ZBTB44: variants seen among roughly 807,000 people sequenced by gnomAD.
ZBTB44 encodes zinc finger and BTB domain containing 44, also known as zinc finger and BTB domain-containing protein 44.
Under a neutral mutation model 54.0 loss-of-function variants are expected in ZBTB44, and 15 were observed. The ratio of observed to expected loss-of-function variants is 0.28; its 90% confidence interval spans 0.19 to 0.43. The LOEUF (loss-of-function observed/expected upper bound fraction) is 0.43. ZBTB44 is among the 20% of genes least tolerant of loss of function. The probability of loss-of-function intolerance (pLI) is 1.00; values close to 1 mark genes in which losing one functional copy is unlikely to be tolerated. For missense variants in ZBTB44, 487 were observed against 707.1 expected (o/e 0.69, Z 3.53); for synonymous variants, 230 against 250.1 (o/e 0.92, Z 0.76).
intron 5 of ZBTB44, among the ~76,000 whole-genome samples, chr11:130,235,237 T>C (rs181654830): frequency 6.6e-6 from 1 of 152,302 alleles, no homozygotes; most frequent in Non-Finnish European, 1.5e-5. Context: ...TGCCCTATGT[T>C]ATATTTTCTA....
Position 130,261,887 on chromosome 11 carries a change from T to A in ZBTB44, c.-14A>T, listed in dbSNP as rs1399889245. On this transcript the variant is annotated 5_prime_UTR_variant, in exon 2 of 8. In the 5' UTR this introduces an upstream ATG that the reference lacks. Coordinates refer to ENST00000357899, the MANE Select transcript of ZBTB44 (RefSeq NM_001301098.2). This position sits in a 1 kb window ranked among gnomAD's most constrained non-coding sequence, Gnocchi z 4.8. ...TTTCACACCCATCTTTTACTTCCTC[T>A]TCTACAGATGCTCTTCAAGGATGCA... 1.3e-5 allele frequency: 21 copies of A among 1,588,372 alleles called. No homozygotes were observed. Among genetic ancestry groups the A allele is most frequent in the Non-Finnish European group, 1.8e-5 (21 of 1,165,854 alleles).
intron 2 of ZBTB44, among the ~76,000 whole-genome samples, chr11:130,248,966 T>C (rs1344902766): frequency 2.0e-5 from 3 of 151,802 alleles, no homozygotes; most frequent in Non-Finnish European, 4.4e-5. Context: ...TAGCTGGGTG[T>C]GGTGGTGTGT....
intron 2 of ZBTB44, 129 bp from the exon 3 acceptor site, chr11:130,240,025 C>T: frequency 1.8e-6 from 1 of 563,408 alleles, no homozygotes; most frequent in South Asian, 2.1e-5. Context: ...ATTATTAATC[C>T]AAAGTAGTGT....
At chr11:130,298,371 T>C (rs1053061563) in intron 1 of ZBTB44, among the ~76,000 whole-genome samples, 1 of 151,532 alleles carries the variant, frequency 6.6e-6, no homozygotes, top group Non-Finnish European at 1.5e-5. Flanking sequence ...CTCAAACTCC[T>C]GGGGCTCAAC....
chr11:130,314,370 G>T lies in ZBTB44; in HGVS notation c.-57+5C>A, dbSNP rs1335721701. ...GACCGGAGCCCGCCCTCCCCTCCCC[G>T]TTACCTGCGGGCGGCGGCGCCGGGC... On this transcript the variant is annotated splice_donor_5th_base_variant and intron_variant, in intron 1 of 7. Coordinates refer to ENST00000357899, the MANE Select transcript of ZBTB44 (RefSeq NM_001301098.2). 2 of 153,134 alleles carry T rather than the reference G, an allele frequency of 1.3e-5. No individual in the cohort carries two copies. The highest frequency in any genetic ancestry group is 1.8e-4 in the South Asian group (1 of 5,648). 9.5% of individuals were successfully genotyped at this position (153,134 alleles called of 1,614,324 possible). A position where few individuals can be genotyped will look rare whatever the true frequency, so the allele number is the denominator to read the frequency against.
chr11:130,291,801 G>T (rs1941312416), intron 1 of ZBTB44, among the ~76,000 whole-genome samples: 1 of 152,106 alleles, frequency 6.6e-6, no homozygotes, highest in Non-Finnish European at 1.5e-5. Context: ...ATCACTTTAT[G>T]AATGCTTTCC....
rs115490351 is a variant in ZBTB44, at chr11:130,272,891, G to C, written c.-56-10962C>G. On this transcript the variant is annotated intron_variant, in intron 1 of 7. Transcript: ENST00000357899. The stretch of plus-strand genomic sequence containing the variant: ...TTGAACACAAATAGGTTTATATCTG[G>C]ACTCTCTATTCCATTGATTTATATG... Among the ~76,000 whole-genome samples, 941 of 152,118 alleles carry C rather than the reference G, an allele frequency of 6.2e-3. 10 individuals carry two copies. The highest frequency in any genetic ancestry group is 0.021 in the African/African-American group (884 of 41,492).
intron 1 of ZBTB44, among the ~76,000 whole-genome samples, chr11:130,292,629 C>T (rs1459716663): frequency 6.6e-6 from 1 of 152,146 alleles, no homozygotes; most frequent in Non-Finnish European, 1.5e-5. Flanking sequence ...TGTTCAATCA[C>T]ATTATTATTA....
intron 2 of ZBTB44, among the ~76,000 whole-genome samples, chr11:130,244,041 T>G (rs1954517231): frequency 6.6e-6 from 1 of 152,204 alleles, no homozygotes; most frequent in South Asian, 2.1e-4. Context: ...AAAGCCCATT[T>G]GTGTTTTGGC....
At chr11:130,275,018 C>T in intron 1 of ZBTB44, among the ~76,000 whole-genome samples, 1 of 152,192 alleles carries the variant, frequency 6.6e-6, no homozygotes, top group Non-Finnish European at 1.5e-5. Flanking sequence ...TTTTAAATTA[C>T]TAATCTCATT....
intron 2 of ZBTB44, among the ~76,000 whole-genome samples, chr11:130,248,384 G>A (rs1014128865): frequency 8.5e-5 from 13 of 152,236 alleles, no homozygotes; most frequent in Non-Finnish European, 4.4e-5. Flanking sequence ...GCTCACGCCT[G>A]TAATCTCAGC....
intron 1 of ZBTB44, among the ~76,000 whole-genome samples, chr11:130,312,434 T>C (rs1471007992): frequency 6.6e-6 from 1 of 152,208 alleles, no homozygotes; most frequent in East Asian, 1.9e-4. Flanking sequence ...GCATCACCTA[T>C]TAAATATTCT....
At chr11:130,258,058 G>A (rs375171541) in intron 2 of ZBTB44, among the ~76,000 whole-genome samples, 2 of 152,002 alleles carry the variant, frequency 1.3e-5, no homozygotes, top group East Asian at 1.9e-4. Context: ...ATTTTCATAC[G>A]GCACTAACTA....
rs541624596 is a variant in ZBTB44, at chr11:130,271,889, T to C, written c.-56-9960A>G. On this transcript the variant is annotated intron_variant, in intron 1 of 7. Transcript: ENST00000357899. ...ACTCTATATTTAATCATTTGAGAAATTGTCAGACTGTCTTCCAAAGCAGCC... is the reference window on the plus strand; with the variant it reads ...ACTCTATATTTAATCATTTGAGAAACTGTCAGACTGTCTTCCAAAGCAGCC... Among the ~76,000 whole-genome samples the C allele has an allele frequency of 5.3e-5, 8 of 152,266 alleles. No homozygotes were observed. The South Asian group carries it at 8.3e-4, about 16-fold the overall frequency.
chr11:130,270,101 T>C (rs1046792267), intron 1 of ZBTB44, among the ~76,000 whole-genome samples: 24 of 152,184 alleles, frequency 1.6e-4, no homozygotes, highest in African/African-American at 5.8e-4. Context: ...AAAGAGAAAG[T>C]AATGAGACTG....
intron 5 of ZBTB44, among the ~76,000 whole-genome samples, chr11:130,235,074 G>T (rs1473321793): frequency 6.7e-6 from 1 of 148,802 alleles, no homozygotes; most frequent in South Asian, 2.1e-4. Context: ...TATCTTAGAG[G>T]CTTTATTTAA....
chr11:130,263,035 T>C (rs926713047), intron 1 of ZBTB44, among the ~76,000 whole-genome samples: 2 of 152,240 alleles, frequency 1.3e-5, no homozygotes, highest in African/African-American at 4.8e-5. Flanking sequence ...CACTCCACCC[T>C]TGGTGACAGA....
chr11:130,302,352 C>G (rs17139302), intron 1 of ZBTB44, among the ~76,000 whole-genome samples: 6,205 of 152,060 alleles, frequency 0.041, 307 homozygotes, highest in African/African-American at 0.12. Context: ...TTAGGTAAAA[C>G]TAGTGGCGGA....
At chr11:130,260,523 T>C (rs1276994705) in intron 2 of ZBTB44, among the ~76,000 whole-genome samples, 2 of 152,264 alleles carry the variant, frequency 1.3e-5, no homozygotes, top group African/African-American at 4.8e-5. Context: ...TGTGTTTTTC[T>C]TTATGTATCA....
Sources: gnomAD v4.1 joint callset for allele counts (sites outside exome capture counted in the v4.1 genomes callset) on GRCh38, gnomAD v4.1.1 for gene constraint, Gnocchi (gnomAD v3.1) non-coding constraint, MANE v1.5 for transcripts, NCBI Gene and HGNC (gene_info 2026-07-23, HGNC 2026-07-21) for gene names.